The following PES1 variants were observed in gnomAD, a reference collection of about 807,000 sequenced individuals.
The protein encoded by PES1 is pescadillo homolog.
In PES1, 31 loss-of-function variants were observed where a neutral mutation model predicts 77.1. The ratio of observed to expected loss-of-function variants is 0.40; its 90% CI spans 0.30 to 0.54. The LOEUF is 0.54. PES1 is among the 20% of genes least tolerant of loss of function. PES1 has a pLI of 0.45. For synonymous variants in PES1, 282 were observed against 303.0 expected, an observed-to-expected ratio of 0.93 and a Z score of 0.72; for missense variants, 658 against 771.7, an observed-to-expected ratio of 0.85 and a Z score of 1.75.
At chr22:30,592,461 A>G (rs543042911), upstream of PES1, 7 of 951,522 alleles carry the variant, frequency 7.4e-6, no homozygotes, top group East Asian at 1.2e-4. Context: ...GAGGCCACTT[A>G]TATTTTCTGA....
chr22:30,592,483 GGAC>G (rs1291228955), upstream of PES1: 1 of 847,616 alleles, frequency 1.2e-6, no homozygotes, highest in Non-Finnish European at 1.4e-6. Context: ...CCTTAGTGGT[GGAC>G]TCGTGGTATA....
chr22:30,579,511 C>T (rs1336602868), intron 12 of PES1: 13 of 786,954 alleles, frequency 1.7e-5, no homozygotes, highest in African/African-American at 3.5e-5. Flanking sequence ...TGAGCTCTGT[C>T]GCCTCCAATG....
intron 4 of PES1, 24 bp downstream of exon 4, chr22:30,587,262 T>C (rs756873442): frequency 8.9e-6 from 13 of 1,468,874 alleles, no homozygotes; most frequent in Non-Finnish European, 1.2e-5. Flanking sequence ...GAAACAGCAG[T>C]GTCCTGAGGA....
chr22:30,598,253 A>G (rs577511541), intron 2 of PES1: 1 of 152,238 alleles, frequency 6.6e-6, no homozygotes, highest in East Asian at 1.9e-4. Context: ...CGAACCCACC[A>G]AAAGGAAAAA....
chr22:30,600,339 G>A (rs757463895), intron 2 of PES1, among the ~76,000 whole-genome samples: 42 of 152,244 alleles, frequency 2.8e-4, no homozygotes, highest in Admixed American at 1.8e-3. Context: ...ACTTCAGGGG[G>A]TAGGTTTGCA....
chr22:30,598,708 C>A (rs772967923), intron 2 of PES1, among the ~76,000 whole-genome samples: 8 of 151,986 alleles, frequency 5.3e-5, no homozygotes, highest in Non-Finnish European at 1.2e-4. Flanking sequence ...GGGTTACAGG[C>A]ATGAACCACC....
In PES1 at chr22:30,579,666, C is replaced by T. The variant is rs932240661; in HGVS notation, c.1354+85G>A. ...GGGCTTTCTGCTCCTACTGCCTGTT[C>T]CCTGGAGCTTTCCACCTTGGCAGCT... On this transcript the variant is annotated intron_variant, in intron 12 of 14. Coordinates refer to ENST00000354694, the MANE Select transcript of PES1 (RefSeq NM_014303.4). 84 of 1,350,428 alleles carry T rather than the reference C, an allele frequency of 6.2e-5. 1 individual carries two copies. The African/African-American group carries it at 9.2e-4, about 15-fold the overall frequency. The allele number at this position is 1,350,428 out of a possible 1,614,324, so 83.7% of individuals were successfully genotyped here. A position where few individuals can be genotyped will look rare whatever the true frequency, so the allele number is the denominator to read the frequency against.
At chr22:30,580,424 T>A (rs1385319370) in intron 10 of PES1, 147 bp downstream of exon 10, 1 of 1,164,644 alleles carries the variant, frequency 8.6e-7, no homozygotes, top group Non-Finnish European at 1.2e-6. Flanking sequence ...TCCTATGTGC[T>A]CAGTGCGGTG....
rs780841850 is a variant in PES1 at position 30,584,613 on chromosome 22, A to T, written c.473T>A (p.Ile158Asn). 6.2e-7 allele frequency: 1 copy of T among 1,613,822 alleles called. No homozygotes were observed. The highest frequency in any genetic ancestry group is 8.5e-7 in the Non-Finnish European group (1 of 1,179,900). Residue 158 changes from isoleucine to asparagine, a missense_variant, in exon 5 of 15, where the codon ATT becomes AAT. Coordinates refer to ENST00000354694, the MANE Select transcript of PES1 (RefSeq NM_014303.4). ...PRTGKCHVQTIQLCRRLTVEF... is the reference protein window; with the variant it reads ...PRTGKCHVQTNQLCRRLTVEF... ...CACAGTGAGCCGGCGGCACAGCTGAATGGTCTGCACGTGGCACTTGCCAGT... is the reference window on the plus strand; with the variant it reads ...CACAGTGAGCCGGCGGCACAGCTGATTGGTCTGCACGTGGCACTTGCCAGT...
chr22:30,579,696 G>C lies in PES1; in HGVS notation c.1354+55C>G, dbSNP rs539769964. The stretch of plus-strand genomic sequence containing the variant: ...GAGCTTTCCACCTTGGCAGCTAAGG[G>C]AAACAGCCAGCGTGGGCCCAGGGGT... On this transcript the variant is annotated intron_variant, in intron 12 of 14. Coordinates refer to ENST00000354694, the MANE Select transcript of PES1 (RefSeq NM_014303.4). 59 of 1,546,212 alleles carry C rather than the reference G, an allele frequency of 3.8e-5. No homozygotes were observed. In the African/African-American group the frequency reaches 6.9e-4, roughly 18 times the overall value.
At chr22:30,598,982 C>T (rs144753301) in intron 2 of PES1, among the ~76,000 whole-genome samples, 5 of 134,586 alleles carry the variant, frequency 3.7e-5, no homozygotes, top group African/African-American at 1.4e-4. Flanking sequence ...CTGCAACCTC[C>T]GTTTCCTGGG....
At chr22:30,594,913 G>A (rs2087233592), upstream of PES1, among the ~76,000 whole-genome samples, 1 of 151,906 alleles carries the variant, frequency 6.6e-6, no homozygotes, top group South Asian at 2.1e-4. Context: ...GATCGCTTGG[G>A]CTCAGGAGGT....
chr22:30,582,950 G>A (rs965090048), intron 6 of PES1, among the ~76,000 whole-genome samples: 1 of 152,216 alleles, frequency 6.6e-6, no homozygotes, highest in African/African-American at 2.4e-5. Flanking sequence ...CCTAGTGCCA[G>A]TCCTCCCCAT....
chr22:30,594,587 G>C (rs1277165405), upstream of PES1, among the ~76,000 whole-genome samples: 4 of 152,010 alleles, frequency 2.6e-5, no homozygotes, highest in African/African-American at 9.7e-5. Flanking sequence ...GCAAAGGTGG[G>C]AGGATTGCTT....
intron 4 of PES1, among the ~76,000 whole-genome samples, chr22:30,584,960 C>T (rs902004971): frequency 1.3e-5 from 2 of 152,164 alleles, no homozygotes; most frequent in Admixed American, 6.5e-5. Flanking sequence ...CTCAAGACAC[C>T]GAATGCTCAC....
Position 30,589,408 on chromosome 22 carries a change from G to C in PES1, c.25-138C>G, listed in dbSNP as rs930339930. ...GAGTCTAGGAGAGGAAACACTGCAG[G>C]GAAGGAGCCGACCTGCCTGGATGAG... is the stretch of plus-strand genomic sequence containing the variant. On this transcript the variant is annotated intron_variant, in intron 1 of 14. Coordinates refer to ENST00000354694, the MANE Select transcript of PES1 (RefSeq NM_014303.4). 2.6e-5 allele frequency: 18 copies of C among 703,854 alleles called. No individual in the cohort carries two copies. The South Asian group carries it at 3.0e-4, about 12-fold the overall frequency. The allele number at this position is 703,854 out of a possible 1,614,324, so 43.6% of individuals were successfully genotyped here. A position where few individuals can be genotyped will look rare whatever the true frequency, so the allele number is the denominator to read the frequency against.
intron 2 of PES1, among the ~76,000 whole-genome samples, chr22:30,601,494 A>G (rs990503844): frequency 1.3e-5 from 2 of 151,400 alleles, no homozygotes; most frequent in African/African-American, 2.4e-5. Flanking sequence ...TGTATTTTTA[A>G]TACAGACAGG....
At chr22:30,578,069 G>A (rs1372530327) in intron 14 of PES1, among the ~76,000 whole-genome samples, 1 of 152,150 alleles carries the variant, frequency 6.6e-6, no homozygotes, top group Admixed American at 6.5e-5. Flanking sequence ...GATCACTTGA[G>A]GTCAGGAGTC....
chr22:30,602,057 C>T (rs1569033512), intron 2 of PES1: 1 of 152,284 alleles, frequency 6.6e-6, no homozygotes, highest in Admixed American at 6.5e-5. Flanking sequence ...AGGTGTGAAC[C>T]ACCGCACCTG....
Sources: allele counts gnomAD v4.1 joint callset (sites outside exome capture counted in the v4.1 genomes callset), GRCh38; gene constraint gnomAD v4.1.1; transcripts MANE v1.5; gene names NCBI Gene and HGNC (gene_info 2026-07-23, HGNC 2026-07-21).